ZMAT3: variants seen among roughly 807,000 people sequenced by gnomAD.
ZMAT3 encodes zinc finger matrin-type protein 3.
Under a neutral mutation model 32.3 loss-of-function variants are expected in ZMAT3, and 17 were observed. The ratio of observed to expected loss-of-function variants is 0.53; its 90% CI spans 0.36 to 0.79. The LOEUF is 0.79. Among genes scored for constraint, ZMAT3 ranks in the 30% least tolerant of loss-of-function variants. The pLI is 0.00. For synonymous variants in ZMAT3, 120 were observed against 133.1 expected, an observed-to-expected ratio of 0.90 and a Z score of 0.68; for missense variants, 329 against 359.7, an observed-to-expected ratio of 0.91 and a Z score of 0.69.
chr3:179,055,570 A>T (rs547879335), intron 2 of ZMAT3, among the ~76,000 whole-genome samples: 1 of 151,620 alleles, frequency 6.6e-6, no homozygotes, highest in South Asian at 2.1e-4. Context: ...TGAACCAAAG[A>T]GTGCCAATAT....
rs1016305091 is a variant in ZMAT3 at position 179,017,412 on chromosome 3, C to A, written c.*7605G>T. The A allele has an allele frequency of 4.6e-5, 7 of 152,004 alleles. No individual in the cohort carries two copies. Among genetic ancestry groups the A allele is most frequent in the Admixed American group, 3.9e-4 (6 of 15,252 alleles). The allele number at this position is 152,004 out of a possible 1,614,324, so 9.4% of individuals were successfully genotyped here. ...ACTCAATATGCTAAAGAAAATAAAACCGAAAGAGTAGTTTCAATTTCACAA... is the reference window on the plus strand; with the variant it reads ...ACTCAATATGCTAAAGAAAATAAAAACGAAAGAGTAGTTTCAATTTCACAA... On this transcript the variant is annotated 3_prime_UTR_variant, in exon 6 of 6. Coordinates refer to ENST00000311417, the MANE Select transcript of ZMAT3 (RefSeq NM_022470.4).
At chr3:179,053,498 TA>T (rs1364300775) in intron 2 of ZMAT3, among the ~76,000 whole-genome samples, 2 of 152,088 alleles carry the variant, frequency 1.3e-5, no homozygotes, top group Non-Finnish European at 2.9e-5. Flanking sequence ...TGACCAAAAC[TA>T]TGATGAGAAA....
intron 2 of ZMAT3, among the ~76,000 whole-genome samples, chr3:179,041,323 T>C (rs1469143236): frequency 2.0e-5 from 3 of 152,188 alleles, no homozygotes; most frequent in Admixed American, 6.5e-5. Context: ...ATTGACCACA[T>C]AATTGGAAGT....
chr3:179,047,226 C>A (rs1720288207), intron 2 of ZMAT3, among the ~76,000 whole-genome samples: 2 of 152,272 alleles, frequency 1.3e-5, no homozygotes, highest in South Asian at 4.1e-4. Context: ...CCCAGTAGCT[C>A]CACTAGGTGG....
intron 1 of ZMAT3, among the ~76,000 whole-genome samples, chr3:179,068,063 T>C (rs1489096345): frequency 6.6e-6 from 1 of 152,178 alleles, no homozygotes; most frequent in East Asian, 1.9e-4. Context: ...TGCTATCCCT[T>C]TGGCCCGTGA....
At position 179,060,154 on chromosome 3, in the gene ZMAT3, C is replaced by CA. The variant is rs201856323; in HGVS notation, c.270+7328dup. On this transcript the variant is annotated intron_variant, in intron 2 of 5. Transcript: ENST00000311417. ...TTCACTCTATTAAATCTTGCAACTG[C>CA]AAAAAAAAAATTCAATATGAGATTA... Among the ~76,000 whole-genome samples the CA allele has an allele frequency of 1.7e-4, 24 of 142,526 alleles. No individual in the cohort carries two copies. In the East Asian group the frequency reaches 2.0e-3, roughly 12 times the overall value. The allele number at this position is 142,526 out of a possible 152,430, so 93.5% of individuals were successfully genotyped here.
At chr3:179,051,221 T>C (rs1197903171) in intron 2 of ZMAT3, among the ~76,000 whole-genome samples, 2 of 152,202 alleles carry the variant, frequency 1.3e-5, no homozygotes, top group South Asian at 2.1e-4. Flanking sequence ...ATGAAAATGA[T>C]TGTGTATCTA....
intron 1 of ZMAT3, 88 bp downstream of exon 1, chr3:179,071,507 G>A (rs1045642368): frequency 1.3e-5 from 2 of 152,276 alleles, no homozygotes; most frequent in Non-Finnish European, 2.9e-5. Context: ...GAGGGCAGAT[G>A]GAAAGAGCAT....
chr3:179,058,755 C>CAAAAAAAA (rs56006230), intron 2 of ZMAT3, among the ~76,000 whole-genome samples: 10 of 68,058 alleles, frequency 1.5e-4, no homozygotes, highest in South Asian at 5.4e-4. Flanking sequence ...GACTCCGTCT[C>CAAAAAAAA]AAAAAAAAAA....
intron 2 of ZMAT3, among the ~76,000 whole-genome samples, chr3:179,063,350 A>G (rs1364364779): frequency 6.6e-6 from 1 of 152,220 alleles, no homozygotes; most frequent in Admixed American, 6.5e-5. Context: ...CATTCTCTTC[A>G]TTATGAATTA....
intron 3 of ZMAT3, 102 bp from the exon 4 acceptor site, chr3:179,027,914 T>C (rs752277000): frequency 2.1e-5 from 25 of 1,177,698 alleles, no homozygotes; most frequent in Middle Eastern, 3.0e-4. Context: ...CCAAAGGATA[T>C]GGCATGACCA....
chr3:179,067,613 A>G lies in ZMAT3; in HGVS notation c.140T>C (p.Leu47Pro). 6.2e-7 allele frequency: 1 copy of G among 1,614,188 alleles called. No individual in the cohort carries two copies. Among genetic ancestry groups the G allele is most frequent in the Non-Finnish European group, 8.5e-7 (1 of 1,180,018 alleles). Reference protein sequence around the residue: ...KPFGQEASLPLAGEEELSKGG... With the variant: ...KPFGQEASLPPAGEEELSKGG... ...CTTCGATAACTCTTCTTCCCCTGCAAGAGGCAAGGAAGCCTCCTGCCCAAA... is the reference window on the plus strand; with the variant it reads ...CTTCGATAACTCTTCTTCCCCTGCAGGAGGCAAGGAAGCCTCCTGCCCAAA... The change falls in exon 2 of 6, where the codon CTT becomes CCT. Residue 47 changes from leucine (L) to proline (P), a missense_variant. By Grantham distance (98) the Leu-to-Pro change is moderately conservative. Coordinates refer to ENST00000311417, the MANE Select transcript of ZMAT3 (RefSeq NM_022470.4).
chr3:179,054,724 A>G (rs938463319), intron 2 of ZMAT3, among the ~76,000 whole-genome samples: 1 of 152,148 alleles, frequency 6.6e-6, no homozygotes, highest in South Asian at 2.1e-4. Context: ...CTCACCATCC[A>G]ACACTGCTGC....
At chr3:179,026,220 C>T (rs1418489577) in intron 5 of ZMAT3, among the ~76,000 whole-genome samples, 1 of 151,996 alleles carries the variant, frequency 6.6e-6, no homozygotes, top group Non-Finnish European at 1.5e-5. Context: ...ATAATCTATC[C>T]TAAAATTTAT....
chr3:179,059,054 G>A (rs6808065), intron 2 of ZMAT3, among the ~76,000 whole-genome samples: 92,888 of 151,926 alleles, frequency 0.61, 28,565 homozygotes, highest in East Asian at 0.8. Context: ...TTAGGAGATT[G>A]TTATTGGCTG....
chr3:179,025,901 C>G (rs568185782), intron 5 of ZMAT3, among the ~76,000 whole-genome samples: 88 of 152,174 alleles, frequency 5.8e-4, no homozygotes, highest in Non-Finnish European at 1.1e-3. Context: ...CTGATCATTT[C>G]ATTTTCTTCT....
rs192096543 is a variant in ZMAT3 at position 179,040,296 on chromosome 3, T to C, written c.271-9297A>G. 1.8e-3 allele frequency among the ~76,000 whole-genome samples: 277 copies of C among 152,146 alleles called. 2 individuals carry two copies. Among genetic ancestry groups the C allele is most frequent in the Non-Finnish European group, 2.6e-4 (18 of 67,996 alleles). On this transcript the variant is annotated intron_variant, in intron 2 of 5. Coordinates refer to ENST00000311417, the MANE Select transcript of ZMAT3 (RefSeq NM_022470.4). ...ATGTAATTGTCACATTCACCACGGTTGAAATGAAGGAAAAAATGTTAAGGG... is the reference window on the plus strand; with the variant it reads ...ATGTAATTGTCACATTCACCACGGTCGAAATGAAGGAAAAAATGTTAAGGG...
At chr3:179,065,730 C>A (rs1168168921) in intron 2 of ZMAT3, among the ~76,000 whole-genome samples, 4 of 152,124 alleles carry the variant, frequency 2.6e-5, no homozygotes, top group South Asian at 4.2e-4. Context: ...ACATGGCAAA[C>A]CTCCATCTCT....
At chr3:179,034,237 T>C (rs1226599535) in intron 2 of ZMAT3, among the ~76,000 whole-genome samples, 2 of 152,198 alleles carry the variant, frequency 1.3e-5, no homozygotes, top group Admixed American at 6.5e-5. Context: ...CCTAAGCAGC[T>C]AAATAGAGTA....
Sources: allele counts gnomAD v4.1 joint callset (sites outside exome capture counted in the v4.1 genomes callset), GRCh38; gene constraint gnomAD v4.1.1; transcripts MANE v1.5; gene names NCBI Gene and HGNC (gene_info 2026-07-23, HGNC 2026-07-21).